The following PIN4 variants were observed in gnomAD, a reference collection of about 807,000 sequenced individuals.
PIN4 encodes peptidylprolyl cis/trans isomerase, NIMA-interacting 4, also known as peptidyl-prolyl cis-trans isomerase NIMA-interacting 4.
In PIN4, 3 loss-of-function variants were observed where a neutral mutation model predicts 8.3. The ratio of observed to expected loss-of-function variants is 0.36; its 90% CI spans 0.16 to 0.93. The LOEUF (loss-of-function observed/expected upper bound fraction) is 0.93. Ranked by LOEUF, PIN4 falls within the 40% of genes least tolerant of loss-of-function variation. The pLI is 0.44. For synonymous variants in PIN4, 18 were observed against 32.5 expected (o/e 0.55, Z 1.52); for missense variants, 75 against 100.6 (o/e 0.75, Z 1.09).
At chrX:72,229,958 C>T (rs948275308) in intron 3 of PIN4, among the ~76,000 whole-genome samples, 3 of 110,654 alleles carry the variant, frequency 2.7e-5, no homozygotes, top group Admixed American at 9.7e-5. Context: ...TTTGGGAGGC[C>T]GAGGCAGGAG....
chrX:72,250,327 T>C (rs935551403), intron 3 of PIN4, among the ~76,000 whole-genome samples: 9 of 110,181 alleles, frequency 8.2e-5, no homozygotes, highest in African/African-American at 3.0e-4. Flanking sequence ...CCGGGCATGG[T>C]GGTACGTGCC....
intron 3 of PIN4, chrX:72,206,169 A>C (rs377308473): frequency 2.5e-6 from 3 of 1,210,411 alleles, no homozygotes; most frequent in South Asian, 1.8e-5. Context: ...TAAGTACATA[A>C]TTAAAACTTT....
Position 72,198,036 on chromosome X carries a change from C to A in PIN4, c.*510C>A. ...TTAACATAGTACGTGGCACGTTATG[C>A]CTTTCAGTGTTAACTCCTTTCTTTT... On this transcript the variant is annotated 3_prime_UTR_variant, in exon 4 of 4. Transcript: ENST00000373669. 1.4e-6 allele frequency: 1 copy of A among 739,715 alleles called. No homozygotes were observed. The highest frequency in any genetic ancestry group is 2.3e-5 in the African/African-American group (1 of 43,569). The allele number at this position is 739,715 out of a possible 1,213,427, so 61.0% of individuals were successfully genotyped here.
At chrX:72,223,517 G>A (rs2042937748) in intron 3 of PIN4, among the ~76,000 whole-genome samples, 1 of 106,300 alleles carries the variant, frequency 9.4e-6, no homozygotes, top group Non-Finnish European at 1.9e-5. Flanking sequence ...AGCCTCCCGA[G>A]TAGCTGGGAT....
At chrX:72,253,160 C>T (rs1261690631) in intron 3 of PIN4, among the ~76,000 whole-genome samples, 1 of 111,767 alleles carries the variant, frequency 8.9e-6, no homozygotes, top group African/African-American at 3.3e-5. Context: ...TCATCTCTTT[C>T]CCTCATCCAG....
intron 3 of PIN4, chrX:72,208,559 A>C (rs146213399): frequency 5.3e-5 from 64 of 1,209,800 alleles, no homozygotes; most frequent in Non-Finnish European, 7.0e-5. Context: ...TGTTCTGCCA[A>C]CTCCTCCAAG....
At chrX:72,208,816 G>A (rs1003607995) in intron 3 of PIN4, 6 of 577,878 alleles carry the variant, frequency 1.0e-5, no homozygotes, top group African/African-American at 2.3e-5. Flanking sequence ...CTCAATTCAG[G>A]ATGGGAAAGA....
At chrX:72,204,240 A>ACAT (rs1301252216) in intron 3 of PIN4, among the ~76,000 whole-genome samples, 4 of 111,837 alleles carry the variant, frequency 3.6e-5, no homozygotes, top group Non-Finnish European at 7.5e-5. Context: ...TTTCATACAC[A>ACAT]CATTATATAC....
intron 3 of PIN4, among the ~76,000 whole-genome samples, chrX:72,255,517 C>T (rs1444084537): frequency 9.1e-6 from 1 of 109,620 alleles, no homozygotes; most frequent in African/African-American, 3.3e-5. Context: ...CGCCTTCCCG[C>T]CCCTCTTCCC....
downstream of PIN4, among the ~76,000 whole-genome samples, chrX:72,201,600 C>T (rs1040471122): frequency 1.8e-5 from 2 of 112,012 alleles, no homozygotes; most frequent in African/African-American, 3.3e-5. Flanking sequence ...CAGAGTAAGA[C>T]CTCGTCTCAG....
chrX:72,210,978 A>G (rs1218883994), intron 3 of PIN4, among the ~76,000 whole-genome samples: 3 of 111,588 alleles, frequency 2.7e-5, no homozygotes, highest in Non-Finnish European at 5.6e-5. Context: ...TTTCCCTACA[A>G]TGGAATCAGG....
At chrX:72,234,085 G>A (rs1369879609) in intron 3 of PIN4, among the ~76,000 whole-genome samples, 1 of 110,573 alleles carries the variant, frequency 9.0e-6, no homozygotes, top group African/African-American at 3.3e-5. Context: ...ACTCCAGCCT[G>A]GGCAACAGAG....
At chrX:72,245,417 G>A (rs1193997260) in intron 3 of PIN4, among the ~76,000 whole-genome samples, 3 of 111,449 alleles carry the variant, frequency 2.7e-5, no homozygotes, top group African/African-American at 9.8e-5. Context: ...CGATCCTCCC[G>A]CCTCAGCCTC....
At chrX:72,236,445 G>A (rs186739365) in intron 3 of PIN4, among the ~76,000 whole-genome samples, 129 of 111,264 alleles carry the variant, frequency 1.2e-3, no homozygotes, top group South Asian at 3.4e-3. Context: ...ACAGGTGCCC[G>A]CCACCATATC....
intron 3 of PIN4, chrX:72,239,104 G>A: frequency 2.4e-6 from 1 of 423,376 alleles, no homozygotes; most frequent in Non-Finnish European, 4.1e-6. Flanking sequence ...GCGCTGCGAC[G>A]CCTCCGCCTG....
intron 3 of PIN4, among the ~76,000 whole-genome samples, chrX:72,210,820 T>C (rs1423327802): frequency 8.9e-6 from 1 of 111,986 alleles, no homozygotes; most frequent in Admixed American, 9.5e-5. Context: ...CACTGCTTTC[T>C]GGCTGGGTTA....
chrX:72,185,062 T>C (rs1481258504), intron 1 of PIN4, among the ~76,000 whole-genome samples: 1 of 94,124 alleles, frequency 1.1e-5, no homozygotes, highest in Non-Finnish European at 2.0e-5. Context: ...GAGAATGGCA[T>C]GAACCCGGGA....
chrX:72,245,376 C>T (rs2043064278), intron 3 of PIN4, among the ~76,000 whole-genome samples: 2 of 110,940 alleles, frequency 1.8e-5, no homozygotes, highest in Admixed American at 1.9e-4. Context: ...TGCTATGTTG[C>T]CCAGGCTGTT....
chrX:72,249,672 A>C (rs2043079496), intron 3 of PIN4, among the ~76,000 whole-genome samples: 1 of 112,041 alleles, frequency 8.9e-6, no homozygotes, highest in South Asian at 3.7e-4. Context: ...GCAATCTCAG[A>C]ATGTTACATA....
Sources: allele counts gnomAD v4.1 joint callset (sites outside exome capture counted in the v4.1 genomes callset), GRCh38; gene constraint gnomAD v4.1.1; transcripts MANE v1.5; gene names NCBI Gene and HGNC (gene_info 2026-07-23, HGNC 2026-07-21).